MARCHF1: variants seen among roughly 807,000 people sequenced by gnomAD.
The protein encoded by MARCHF1 is membrane associated ring-CH-type finger 1.
In MARCHF1, 40 loss-of-function variants were observed where a neutral mutation model predicts 54.2. That is an observed-to-expected ratio of 0.74 (90% CI 0.57 to 0.96). MARCHF1 has a LOEUF of 0.96. Among genes scored for constraint, MARCHF1 ranks in the 40% least tolerant of loss-of-function variants. The probability of loss-of-function intolerance (pLI) is 0.00; values close to 1 mark genes in which losing one functional copy is unlikely to be tolerated. For missense variants in MARCHF1, 586 were observed against 656.5 expected, an observed-to-expected ratio of 0.89 and a Z score of 1.17; for synonymous variants, 236 against 236.3, an observed-to-expected ratio of 1.00 and a Z score of 0.01.
chr4:164,077,568 G>T (rs1755006225), intron 2 of MARCHF1, among the ~76,000 whole-genome samples: 1 of 152,154 alleles, frequency 6.6e-6, no homozygotes, highest in Non-Finnish European at 1.5e-5. Flanking sequence ...CACAGCAAAA[G>T]AAAGTAGCAT....
intron 1 of MARCHF1, among the ~76,000 whole-genome samples, chr4:164,199,051 T>G (rs1370978938): frequency 6.6e-6 from 1 of 152,220 alleles, no homozygotes; most frequent in Non-Finnish European, 1.5e-5. Flanking sequence ...TTGTGGATTT[T>G]AATAATCCTA....
At chr4:164,324,625 T>C (rs1735225419) in intron 1 of MARCHF1, among the ~76,000 whole-genome samples, 1 of 151,372 alleles carries the variant, frequency 6.6e-6, no homozygotes, top group Non-Finnish European at 1.5e-5. Flanking sequence ...TAGCAAAGAG[T>C]GAAAAACTTC....
chr4:163,837,410 A>G (rs1230734276), intron 4 of MARCHF1, among the ~76,000 whole-genome samples: 1 of 152,220 alleles, frequency 6.6e-6, no homozygotes, highest in Non-Finnish European at 1.5e-5. Context: ...TGCTAATTTA[A>G]CATGTACAAC....
At chr4:163,604,699 C>T (rs1443251020) in intron 7 of MARCHF1, among the ~76,000 whole-genome samples, 2 of 152,102 alleles carry the variant, frequency 1.3e-5, no homozygotes, top group Non-Finnish European at 2.9e-5. Flanking sequence ...ATAAGGAAGT[C>T]CATGATTGGA....
intron 2 of MARCHF1, among the ~76,000 whole-genome samples, chr4:164,107,626 G>T (rs111364159): frequency 6.6e-6 from 1 of 152,032 alleles, no homozygotes; most frequent in East Asian, 1.9e-4. Flanking sequence ...GCCCCTCAAA[G>T]TTCTGGGATT....
At chr4:164,048,740 A>G (rs1298639434) in intron 2 of MARCHF1, among the ~76,000 whole-genome samples, 1 of 152,160 alleles carries the variant, frequency 6.6e-6, no homozygotes, top group East Asian at 1.9e-4. Context: ...ATTTCAATCA[A>G]TATCAAAAAT....
intron 1 of MARCHF1, chr4:164,188,879 G>T (rs543720153): frequency 1.3e-6 from 1 of 777,942 alleles, no homozygotes; most frequent in South Asian, 1.3e-5. Context: ...GTTTACCCAT[G>T]CAGTTTTTAC....
intron 1 of MARCHF1, among the ~76,000 whole-genome samples, chr4:164,134,129 C>G (rs971390116): frequency 2.6e-5 from 4 of 152,038 alleles, no homozygotes; most frequent in African/African-American, 9.7e-5. Flanking sequence ...TTCTAAAAAT[C>G]TTTTTAGTCA....
intron 1 of MARCHF1, among the ~76,000 whole-genome samples, chr4:164,289,103 T>A (rs1204779243): frequency 6.6e-6 from 1 of 152,090 alleles, no homozygotes; most frequent in Non-Finnish European, 1.5e-5. Context: ...AAGTTTCAAA[T>A]CATCCTAATA....
intron 1 of MARCHF1, among the ~76,000 whole-genome samples, chr4:164,288,105 G>A (rs1734195540): frequency 6.6e-6 from 1 of 152,100 alleles, no homozygotes; most frequent in Non-Finnish European, 1.5e-5. Flanking sequence ...TTACATCCAT[G>A]ATCCACATGG....
chr4:164,359,935 C>G (rs1225554326), intron 1 of MARCHF1, among the ~76,000 whole-genome samples: 3 of 152,040 alleles, frequency 2.0e-5, no homozygotes, highest in Non-Finnish European at 4.4e-5. Flanking sequence ...ATCTGAGAAC[C>G]ACAGATAGAG....
intron 4 of MARCHF1, among the ~76,000 whole-genome samples, chr4:163,785,489 A>G (rs1379979898): frequency 6.6e-6 from 1 of 152,040 alleles, no homozygotes; most frequent in African/African-American, 2.4e-5. Context: ...TGTAGCCAGA[A>G]TCAAAACAAA....
chr4:163,999,862 C>A (rs1023956957), intron 2 of MARCHF1, among the ~76,000 whole-genome samples: 1 of 151,602 alleles, frequency 6.6e-6, no homozygotes, highest in Non-Finnish European at 1.5e-5. Flanking sequence ...CTAACTTGCC[C>A]AAGGTCCCAC....
intron 1 of MARCHF1, among the ~76,000 whole-genome samples, chr4:164,272,798 A>G (rs1306285048): frequency 6.6e-6 from 1 of 151,874 alleles, no homozygotes; most frequent in East Asian, 1.9e-4. Context: ...TTTTTGCATA[A>G]TTAAATATTA....
intron 1 of MARCHF1, among the ~76,000 whole-genome samples, chr4:164,169,153 C>A (rs893087926): frequency 1.3e-5 from 2 of 152,038 alleles, no homozygotes; most frequent in Non-Finnish European, 1.5e-5. Context: ...TCATAATAAC[C>A]ATTTTACTAT....
intron 9 of MARCHF1, among the ~76,000 whole-genome samples, chr4:163,542,327 C>T (rs989579793): frequency 2.6e-5 from 4 of 152,212 alleles, no homozygotes; most frequent in African/African-American, 9.6e-5. Context: ...TGCCTGGTCC[C>T]AGACCAGTGT....
intron 2 of MARCHF1, among the ~76,000 whole-genome samples, chr4:164,058,610 T>C (rs775084235): frequency 6.6e-6 from 1 of 152,138 alleles, no homozygotes; most frequent in Non-Finnish European, 1.5e-5. Flanking sequence ...GACTTGGAGG[T>C]GTGGATCACA....
intron 1 of MARCHF1, among the ~76,000 whole-genome samples, chr4:164,142,917 A>T (rs1296825880): frequency 6.6e-6 from 1 of 152,036 alleles, no homozygotes; most frequent in Non-Finnish European, 1.5e-5. Flanking sequence ...GAAATTGAAA[A>T]CTTTGAAAAA....
intron 1 of MARCHF1, among the ~76,000 whole-genome samples, chr4:164,372,381 C>A (rs935304724): frequency 6.6e-6 from 1 of 152,086 alleles, no homozygotes; most frequent in South Asian, 2.1e-4. Context: ...AGTTAACACA[C>A]AGCATATTAC....
Sources: allele counts gnomAD v4.1 joint callset (sites outside exome capture counted in the v4.1 genomes callset), GRCh38; gene constraint gnomAD v4.1.1; transcripts MANE v1.5; gene names NCBI Gene and HGNC (gene_info 2026-07-23, HGNC 2026-07-21).